The following KLF5 variants were observed in gnomAD, a reference collection of about 807,000 sequenced individuals.
KLF5 encodes the protein KLF transcription factor 5.
Under a neutral mutation model 36.9 loss-of-function variants are expected in KLF5, and 9 were observed. That is an observed-to-expected ratio of 0.24 (90% CI 0.15 to 0.43). The LOEUF is 0.43. Among genes scored for constraint, KLF5 ranks in the 20% least tolerant of loss-of-function variants. The pLI, the probability that KLF5 is intolerant of heterozygous loss-of-function variation, is 1.00. For missense variants in KLF5, 524 were observed against 599.5 expected, an observed-to-expected ratio of 0.87 and a Z score of 1.31; for synonymous variants, 246 against 241.7, an observed-to-expected ratio of 1.02 and a Z score of -0.17.
chr13:73,060,834 A>C (rs1230969055), intron 1 of KLF5, among the ~76,000 whole-genome samples: 1 of 152,150 alleles, frequency 6.6e-6, no homozygotes, highest in Non-Finnish European at 1.5e-5. Context: ...ACTAGGAGAG[A>C]AGATAGCTGG....
chr13:73,073,762 C>A (rs1034308717), intron 3 of KLF5, among the ~76,000 whole-genome samples: 2 of 151,980 alleles, frequency 1.3e-5, no homozygotes, highest in South Asian at 2.1e-4. Context: ...TAGTACTGTG[C>A]AAAAATTTTT....
rs776386249 is a variant in KLF5, at chr13:73,063,864, T to G, written c.1176T>G (p.Ala392=). Residue 392 remains alanine (A), a synonymous_variant, in exon 3 of 4, where the codon GCT becomes GCG. Coordinates refer to ENST00000377687, the MANE Select transcript of KLF5 (RefSeq NM_001730.5). ...ATACCAAGTCTTCTCATTTAAAAGC[T>G]CACCTGAGGACTCACACTGGTATGT... ...KVYTKSSHLK[A]HLRTHTGEKP... 6.2e-7 allele frequency: 1 copy of G among 1,607,124 alleles called. No individual in the cohort carries two copies. The highest frequency in any genetic ancestry group is 8.5e-7 in the Non-Finnish European group (1 of 1,173,768).
At chr13:73,069,311 C>T (rs970382429) in intron 3 of KLF5, among the ~76,000 whole-genome samples, 29 of 151,960 alleles carry the variant, frequency 1.9e-4, no homozygotes, top group Admixed American at 1.9e-3. Context: ...CAATGTGAAT[C>T]GAGAAATAAT....
Position 73,062,752 on chromosome 13 carries a change from G to T in KLF5, c.1135+18G>T. On this transcript the variant is annotated intron_variant, in intron 2 of 3. Transcript: ENST00000377687. ...TTACCCTGGTATGTGCTCTTACCTG[G>T]TTGAAGCATCAATAGATGTAGTGTG... 1.2e-6 allele frequency: 2 copies of T among 1,605,644 alleles called. No homozygotes were observed.
intron 3 of KLF5, among the ~76,000 whole-genome samples, chr13:73,070,943 A>AAGC (rs2139115388): frequency 6.6e-6 from 1 of 152,360 alleles, no homozygotes; most frequent in South Asian, 2.1e-4. Context: ...GAAGAATAAA[A>AAGC]AGCTGACAGC....
intron 1 of KLF5, 159 bp downstream of exon 1, chr13:73,059,747 G>A (rs1160436292): frequency 3.7e-6 from 3 of 811,008 alleles, no homozygotes; most frequent in Non-Finnish European, 4.5e-6. Context: ...ACGCCTGGCC[G>A]GGGCCCCGCG....
intron 2 of KLF5, among the ~76,000 whole-genome samples, chr13:73,062,962 T>C (rs2044651079): frequency 6.6e-6 from 1 of 152,184 alleles, no homozygotes; most frequent in African/African-American, 2.4e-5. Flanking sequence ...TGTCTGTTGC[T>C]TATGTTATGC....
At chr13:73,068,133 G>A (rs571526046) in intron 3 of KLF5, among the ~76,000 whole-genome samples, 4 of 152,018 alleles carry the variant, frequency 2.6e-5, no homozygotes, top group African/African-American at 4.8e-5. Context: ...GAGCCACCAC[G>A]CCAGACTCAC....
chr13:73,072,558 A>G (rs1270465548), intron 3 of KLF5, among the ~76,000 whole-genome samples: 1 of 152,222 alleles, frequency 6.6e-6, no homozygotes, highest in African/African-American at 2.4e-5. Context: ...TCGTTCAAAG[A>G]GAGTGTATTA....
Position 73,063,882 on chromosome 13 carries a change from T to C in KLF5, c.1194T>C (p.Thr398=). Residue 398 remains threonine, a splice_region_variant and synonymous_variant, in exon 3 of 4, where the codon ACT becomes ACC. Transcript: ENST00000377687. ...TAAAAGCTCACCTGAGGACTCACAC[T>C]GGTATGTAATTTTCTTGTTAATTCT... ...SHLKAHLRTH[T]GEKPYKCTWE... is the part of the protein sequence containing the mutation. The C allele has an allele frequency of 1.3e-6, 2 of 1,588,840 alleles. No individual in the cohort carries two copies. The highest frequency in any genetic ancestry group is 1.7e-6 in the Non-Finnish European group (2 of 1,157,258).
chr13:73,056,322 A>G (rs146038730), upstream of KLF5, among the ~76,000 whole-genome samples: 1 of 152,268 alleles, frequency 6.6e-6, no homozygotes, highest in African/African-American at 2.4e-5. Context: ...TTAACACACC[A>G]CTGCCAGGCC....
intron 3 of KLF5, among the ~76,000 whole-genome samples, chr13:73,074,390 A>G (rs146257898): frequency 1.5e-3 from 221 of 152,284 alleles, no homozygotes; most frequent in Non-Finnish European, 2.5e-3. Context: ...TTCAGAAGGA[A>G]ACATTTTTTT....
At chr13:73,067,917 T>C (rs1288796797) in intron 3 of KLF5, among the ~76,000 whole-genome samples, 3 of 151,560 alleles carry the variant, frequency 2.0e-5, no homozygotes, top group Non-Finnish European at 4.4e-5. Flanking sequence ...CTCGGCTCAC[T>C]GCAACCTCCA....
At chr13:73,067,146 T>C (rs965536993) in intron 3 of KLF5, among the ~76,000 whole-genome samples, 3 of 152,224 alleles carry the variant, frequency 2.0e-5, no homozygotes, top group African/African-American at 7.2e-5. Flanking sequence ...ATGAACATTG[T>C]ACTGAAATTT....
chr13:73,074,830 C>A (rs541921163), intron 3 of KLF5, among the ~76,000 whole-genome samples: 1 of 152,192 alleles, frequency 6.6e-6, no homozygotes, highest in South Asian at 2.1e-4. Flanking sequence ...CTCCATGAGG[C>A]CAACTGTTTT....
At chr13:73,068,004 C>A (rs1388077639) in intron 3 of KLF5, among the ~76,000 whole-genome samples, 2 of 152,032 alleles carry the variant, frequency 1.3e-5, no homozygotes, top group Non-Finnish European at 2.9e-5. Flanking sequence ...CCACGCCCGG[C>A]TAATTTTTGT....
chr13:73,063,485 C>T (rs2044655541), intron 2 of KLF5, among the ~76,000 whole-genome samples: 1 of 152,082 alleles, frequency 6.6e-6, no homozygotes, highest in African/African-American at 2.4e-5. Flanking sequence ...TGGCTTAGTA[C>T]TGTCAGCTCT....
intron 3 of KLF5, among the ~76,000 whole-genome samples, chr13:73,074,577 T>C (rs1263127684): frequency 6.7e-6 from 1 of 150,354 alleles, no homozygotes; most frequent in Non-Finnish European, 1.5e-5. Context: ...CATTTATTCC[T>C]ACTGGAATAT....
chr13:73,067,662 AAC>A (rs2044689931), intron 3 of KLF5, among the ~76,000 whole-genome samples: 1 of 152,196 alleles, frequency 6.6e-6, no homozygotes, highest in Non-Finnish European at 1.5e-5. Flanking sequence ...GTCTTTGAAC[AAC>A]ACACACTTGG....
Sources: gnomAD v4.1 joint callset for allele counts (sites outside exome capture counted in the v4.1 genomes callset) on GRCh38, gnomAD v4.1.1 for gene constraint, MANE v1.5 for transcripts, NCBI Gene and HGNC (gene_info 2026-07-23, HGNC 2026-07-21) for gene names.